PDE4D: variants seen among roughly 807,000 people sequenced by gnomAD.
PDE4D encodes phosphodiesterase 4D, also known as 3',5'-cyclic-AMP phosphodiesterase 4D.
Under a neutral mutation model 87.4 loss-of-function variants are expected in PDE4D, and 24 were observed. That is an observed-to-expected ratio of 0.27 (90% CI 0.20 to 0.39). PDE4D has a LOEUF of 0.39. Among genes scored for constraint, PDE4D ranks in the 10% least tolerant of loss-of-function variants. PDE4D has a pLI of 1.00. For synonymous variants in PDE4D, 384 were observed against 383.2 expected (o/e 1.00, Z -0.02); for missense variants, 714 against 1,041.0 (o/e 0.69, Z 4.32).
intron 1 of PDE4D, among the ~76,000 whole-genome samples, chr5:59,420,958 T>C (rs1278045575): frequency 2.0e-5 from 3 of 152,198 alleles, no homozygotes; most frequent in African/African-American, 4.8e-5. Flanking sequence ...TAATTTATTA[T>C]CGCACAACTG....
chr5:58,986,462 C>G (rs946545522), intron 11 of PDE4D, among the ~76,000 whole-genome samples: 3 of 18,252 alleles, frequency 1.6e-4, no homozygotes, highest in African/African-American at 4.5e-4. Context: ...CTGTCAGGAA[C>G]TGGGCTGCAC....
In PDE4D at chr5:59,030,370, C is replaced by T. The variant is rs537106703; in HGVS notation, c.921+8489G>A. Among the ~76,000 whole-genome samples the T allele has an allele frequency of 2.2e-5, 3 of 135,014 alleles. No individual in the cohort carries two copies. The South Asian group carries it at 7.2e-4, about 33-fold the overall frequency. 88.6% of individuals were successfully genotyped at this position (135,014 alleles called of 152,430 possible). The stretch of plus-strand genomic sequence containing the variant: ...AATCGATTAAAATTAGACAAAGGAT[C>T]TGAATAGACACACTTTCCTCAAAAA... On this transcript the variant is annotated intron_variant, in intron 6 of 14. Transcript: ENST00000340635.
intron 1 of PDE4D, among the ~76,000 whole-genome samples, chr5:59,721,989 A>C (rs1755898508): frequency 1.3e-5 from 2 of 152,182 alleles, no homozygotes; most frequent in African/African-American, 4.8e-5. Context: ...TTGACAGTCT[A>C]GTGAGGGGGT....
intron 1 of PDE4D, among the ~76,000 whole-genome samples, chr5:59,687,846 C>T (rs1056755957): frequency 1.8e-4 from 27 of 151,976 alleles, no homozygotes; most frequent in African/African-American, 6.0e-4. Flanking sequence ...GAGACACACA[C>T]AGGCTCAAAA....
At chr5:59,684,478 T>C (rs550845673) in intron 1 of PDE4D, among the ~76,000 whole-genome samples, 1 of 152,278 alleles carries the variant, frequency 6.6e-6, no homozygotes, top group African/African-American at 2.4e-5. Flanking sequence ...AAGAGAATGG[T>C]AATTATTAGC....
At chr5:60,408,208 C>G (rs1223702449) in intron 1 of PDE4D, among the ~76,000 whole-genome samples, 1 of 152,208 alleles carries the variant, frequency 6.6e-6, no homozygotes, top group Non-Finnish European at 1.5e-5. Flanking sequence ...CCTTCACTGA[C>G]TTCTTGACCT....
intron 1 of PDE4D, among the ~76,000 whole-genome samples, chr5:60,302,260 T>C (rs1457612252): frequency 6.6e-6 from 1 of 152,220 alleles, no homozygotes; most frequent in African/African-American, 2.4e-5. Context: ...CTCTTCTTTG[T>C]ACCTCTGGTA....
At chr5:59,881,585 G>C (rs1225556578) in intron 1 of PDE4D, among the ~76,000 whole-genome samples, 1 of 152,084 alleles carries the variant, frequency 6.6e-6, no homozygotes, top group Non-Finnish European at 1.5e-5. Context: ...ATTTGGAGTT[G>C]TTTTCTACTT....
chr5:60,519,508 T>G (rs1052729611), intron 1 of PDE4D, among the ~76,000 whole-genome samples: 5 of 152,218 alleles, frequency 3.3e-5, no homozygotes, highest in African/African-American at 1.2e-4. Flanking sequence ...TTGAATCCAA[T>G]CACCTTTCAA....
intron 1 of PDE4D, among the ~76,000 whole-genome samples, chr5:59,241,827 A>G (rs116706485): frequency 0.016 from 2,493 of 152,264 alleles, 67 homozygotes; most frequent in African/African-American, 0.056. Context: ...GTACATTTTG[A>G]AATGACTAAA....
intron 1 of PDE4D, among the ~76,000 whole-genome samples, chr5:60,404,180 T>G (rs1022654401): frequency 1.8e-5 from 2 of 114,000 alleles, no homozygotes; most frequent in African/African-American, 8.4e-5. Flanking sequence ...TTTTTTTTTT[T>G]GTCTCTCTCT....
intron 1 of PDE4D, among the ~76,000 whole-genome samples, chr5:59,250,648 T>C (rs987555973): frequency 6.6e-6 from 1 of 152,090 alleles, no homozygotes; most frequent in African/African-American, 2.4e-5. Context: ...AGAATGTAGT[T>C]AGAAGCTGTG....
chr5:59,851,012 G>A (rs1175646574), intron 1 of PDE4D, among the ~76,000 whole-genome samples: 1 of 152,004 alleles, frequency 6.6e-6, no homozygotes, highest in Non-Finnish European at 1.5e-5. Context: ...TAGGGCAGAA[G>A]CAATGATGTG....
intron 2 of PDE4D, among the ~76,000 whole-genome samples, chr5:60,017,258 A>G (rs1249775953): frequency 6.6e-6 from 1 of 152,208 alleles, no homozygotes. Context: ...TGTTCCATTT[A>G]TAGAGCACAA....
intron 1 of PDE4D, among the ~76,000 whole-genome samples, chr5:59,483,576 C>T (rs949589901): frequency 3.3e-5 from 5 of 152,038 alleles, no homozygotes; most frequent in Non-Finnish European, 7.4e-5. Context: ...GAACTATATC[C>T]CAGCATTGCT....
In PDE4D at chr5:60,342,418, C is replaced by T. The variant is rs190431035; in HGVS notation, c.-90+145524G>A. Among the ~76,000 whole-genome samples, 7 of 152,168 alleles carry T rather than the reference C, an allele frequency of 4.6e-5. No homozygotes were observed. In the East Asian group the frequency reaches 7.7e-4, roughly 17 times the overall value. ...CCGTGGGGGAGGTTTATAACCTCTG[C>T]GTCAGTATCTTAGTCTTTAAAGTGA... is the stretch of plus-strand genomic sequence containing the variant. On this transcript the variant is annotated intron_variant, in intron 1 of 16. Coordinates refer to the PDE4D transcript ENST00000502484.
intron 1 of PDE4D, among the ~76,000 whole-genome samples, chr5:59,725,387 G>T (rs1439169643): frequency 6.6e-6 from 1 of 151,996 alleles, no homozygotes; most frequent in Non-Finnish European, 1.5e-5. Flanking sequence ...TAAACACATT[G>T]TAGATATTCA....
chr5:59,939,413 C>A (rs944654276), intron 3 of PDE4D, among the ~76,000 whole-genome samples: 1 of 152,108 alleles, frequency 6.6e-6, no homozygotes, highest in African/African-American at 2.4e-5. Flanking sequence ...CAATGGCAAG[C>A]AAAACATATA....
chr5:59,123,226 G>A (rs189311581), intron 5 of PDE4D, among the ~76,000 whole-genome samples: 1 of 152,210 alleles, frequency 6.6e-6, no homozygotes, highest in Non-Finnish European at 1.5e-5. Flanking sequence ...CTGCCTCTAT[G>A]CCTGAACTTC....
Sources: allele counts gnomAD v4.1 joint callset (sites outside exome capture counted in the v4.1 genomes callset), GRCh38; gene constraint gnomAD v4.1.1; transcripts MANE v1.5; gene names NCBI Gene and HGNC (gene_info 2026-07-23, HGNC 2026-07-21).